The following PISD variants were observed in gnomAD, a reference collection of about 807,000 sequenced individuals.
PISD encodes phosphatidylserine decarboxylase proenzyme, mitochondrial.
In PISD, 31 loss-of-function variants were observed where a neutral mutation model predicts 43.5. The observed-to-expected ratio is 0.71, with a 90% confidence interval of 0.54 to 0.96. The LOEUF (loss-of-function observed/expected upper bound fraction) is 0.96, where lower values mean the gene tolerates loss of function less well. Among genes scored for constraint, PISD ranks in the 40% least tolerant of loss-of-function variants. The pLI is 0.00. For synonymous variants in PISD, 259 were observed against 228.7 expected, an observed-to-expected ratio of 1.13 and a Z score of -1.20; for missense variants, 523 against 548.4, an observed-to-expected ratio of 0.95 and a Z score of 0.46.
chr22:31,632,529 G>A (rs570135254), intron 3 of PISD, among the ~76,000 whole-genome samples: 159 of 152,278 alleles, frequency 1.0e-3, no homozygotes, highest in African/African-American at 3.6e-3. Flanking sequence ...TTCTCCCCAT[G>A]TCTGCATGGG....
rs555886330 is a variant in PISD, at chr22:31,633,309, G to C, written c.322-11424C>G. ...ACACATTCTACCTCCCATGTGCTGA[G>C]AGATCTCTGGGATTCTCACACTCTT... On this transcript the variant is annotated intron_variant, in intron 3 of 7. Coordinates refer to ENST00000439502, the MANE Select transcript of PISD (RefSeq NM_001326411.2). Among the ~76,000 whole-genome samples, 15 of 152,334 alleles carry C rather than the reference G, an allele frequency of 9.8e-5. No individual in the cohort carries two copies. The East Asian group carries it at 2.5e-3, about 25-fold the overall frequency.
At chr22:31,625,938 G>T (rs929513778) in intron 3 of PISD, 5 of 1,504,800 alleles carry the variant, frequency 3.3e-6, no homozygotes, top group Middle Eastern at 1.7e-4. Context: ...CTCTGCCTCT[G>T]CGAGGCTGGT....
chr22:31,628,547 T>C (rs2147673966), intron 3 of PISD, among the ~76,000 whole-genome samples: 1 of 152,326 alleles, frequency 6.6e-6, no homozygotes, highest in Non-Finnish European at 1.5e-5. Flanking sequence ...TGTCACTACA[T>C]GGCCTAAGGG....
Position 31,630,204 on chromosome 22 carries a change from G to A in PISD, c.322-8319C>T, listed in dbSNP as rs1267848483. 6.6e-6 allele frequency among the ~76,000 whole-genome samples: 1 copy of A among 152,078 alleles called. No homozygotes were observed. The highest frequency in any genetic ancestry group is 1.5e-5 in the Non-Finnish European group (1 of 67,984). On this transcript the variant is annotated intron_variant, in intron 3 of 7. Coordinates refer to ENST00000439502, the MANE Select transcript of PISD (RefSeq NM_001326411.2). The surrounding 1 kb of genome is among the most constrained non-coding windows in gnomAD (Gnocchi z 4.4). Reference sequence around the variant, plus strand: ...GCAGCCCAGGAGGCCCTGGGAAGAGGGCAGGCAGGACTCGCAGGGGTCTAT... The same window carrying A: ...GCAGCCCAGGAGGCCCTGGGAAGAGAGCAGGCAGGACTCGCAGGGGTCTAT...
intron 3 of PISD, chr22:31,638,664 C>G: frequency 1.0e-6 from 1 of 981,382 alleles, no homozygotes; most frequent in Non-Finnish European, 1.2e-6. Context: ...ATGGTTTTTT[C>G]TTTGTAGAGG....
intron 3 of PISD, among the ~76,000 whole-genome samples, chr22:31,638,171 G>A (rs974479096): frequency 1.2e-4 from 18 of 152,314 alleles, no homozygotes; most frequent in African/African-American, 3.4e-4. Flanking sequence ...GTAGCCCCAG[G>A]ATGAAACCAG....
intron 1 of PISD, among the ~76,000 whole-genome samples, chr22:31,656,172 G>A (rs895685809): frequency 1.3e-5 from 2 of 151,866 alleles, no homozygotes; most frequent in African/African-American, 2.4e-5. Flanking sequence ...GTGAAACCCC[G>A]TCTCTACTAA....
intron 1 of PISD, among the ~76,000 whole-genome samples, chr22:31,659,614 C>T (rs142873907): frequency 1.3e-5 from 2 of 151,682 alleles, no homozygotes; most frequent in African/African-American, 2.4e-5. Flanking sequence ...TTTTTTGAGA[C>T]GGAGTCTTGC....
chr22:31,628,302 C>T (rs938077639), intron 3 of PISD: 2 of 526,776 alleles, frequency 3.8e-6, no homozygotes, highest in Admixed American at 6.4e-5. Flanking sequence ...TTTCTGGCCT[C>T]CCTATTTCAA....
chr22:31,656,406 G>T (rs917063623), intron 1 of PISD, among the ~76,000 whole-genome samples: 2 of 151,740 alleles, frequency 1.3e-5, no homozygotes, highest in Non-Finnish European at 2.9e-5. Flanking sequence ...CTCCCAGCAC[G>T]TTGGAAGGCC....
In PISD at chr22:31,660,668, TAAC is replaced by T. The variant is rs916716283; in HGVS notation, c.65+1473_65+1475del. ...GTGAGGCTCTGACTTCCAAAACAAA[TAAC>T]AACAACAAAAAACAATTTTTTAAGA... On this transcript the variant is annotated intron_variant, in intron 1 of 7. Transcript: ENST00000439502. Among the ~76,000 whole-genome samples, 16 of 152,196 alleles carry T rather than the reference TAAC, an allele frequency of 1.1e-4. No individual in the cohort carries two copies. The South Asian group carries it at 2.1e-3, about 20-fold the overall frequency.
At chr22:31,627,948 G>A in intron 3 of PISD, 1 of 854,880 alleles carries the variant, frequency 1.2e-6, no homozygotes, top group Middle Eastern at 5.9e-4. Flanking sequence ...TCAGGGAAAG[G>A]TGAGCCCTGG....
intron 1 of PISD, among the ~76,000 whole-genome samples, chr22:31,653,058 A>AC (rs1491009420): frequency 1.3e-4 from 19 of 148,570 alleles, no homozygotes; most frequent in Non-Finnish European, 2.5e-4. Context: ...AAAAAAAAAA[A>AC]ACCACACCCA....
intron 3 of PISD, among the ~76,000 whole-genome samples, chr22:31,624,622 C>G (rs1274310301): frequency 2.6e-5 from 4 of 151,510 alleles, no homozygotes; most frequent in Non-Finnish European, 5.9e-5. Flanking sequence ...GCTCTCAAGC[C>G]ACCTGTCTGC....
chr22:31,620,470 A>G (rs2072485343), intron 7 of PISD, 83 bp downstream of exon 7: 5 of 1,396,650 alleles, frequency 3.6e-6, no homozygotes, highest in African/African-American at 1.4e-5. Context: ...TTCAGTCCCA[A>G]CGCATCCGCC....
At chr22:31,660,375 G>A (rs1438468936) in intron 1 of PISD, among the ~76,000 whole-genome samples, 1 of 152,110 alleles carries the variant, frequency 6.6e-6, no homozygotes, top group Non-Finnish European at 1.5e-5. Flanking sequence ...ATTTTAGGTG[G>A]ACTGCGATGG....
chr22:31,634,100 G>A (rs1049522966), intron 3 of PISD, among the ~76,000 whole-genome samples: 24 of 152,236 alleles, frequency 1.6e-4, no homozygotes, highest in African/African-American at 5.5e-4. Flanking sequence ...TCCCAGCTGT[G>A]TGAATTTCAT....
intron 3 of PISD, among the ~76,000 whole-genome samples, chr22:31,631,743 T>C (rs539858233): frequency 7.2e-4 from 109 of 152,310 alleles, no homozygotes; most frequent in African/African-American, 2.5e-3. Context: ...GGGATCACCA[T>C]TCAACCAAAG....
chr22:31,657,453 G>A (rs2074211588), intron 1 of PISD, among the ~76,000 whole-genome samples: 1 of 151,432 alleles, frequency 6.6e-6, no homozygotes, highest in African/African-American at 2.4e-5. Flanking sequence ...ATTTTTAAAT[G>A]TAATAATTTT....
Sources: allele counts gnomAD v4.1 joint callset (sites outside exome capture counted in the v4.1 genomes callset), GRCh38; gene constraint gnomAD v4.1.1; non-coding constraint Gnocchi (gnomAD v3.1); transcripts MANE v1.5; gene names NCBI Gene and HGNC (gene_info 2026-07-23, HGNC 2026-07-21).